The following PCDHGB1 variants were observed in gnomAD, a reference collection of about 807,000 sequenced individuals.
The protein encoded by PCDHGB1 is protocadherin gamma subfamily B, 1.
A neutral mutation model predicts 56.6 loss-of-function variants in PCDHGB1; 34 were observed. The observed-to-expected ratio is 0.60, with a 90% confidence interval of 0.46 to 0.80. PCDHGB1 has a LOEUF of 0.80. PCDHGB1 is among the 30% of genes least tolerant of loss of function. The probability of loss-of-function intolerance (pLI) is 0.00; values close to 1 mark genes in which losing one functional copy is unlikely to be tolerated. For synonymous variants in PCDHGB1, 561 were observed against 505.9 expected (o/e 1.11, Z -1.46); for missense variants, 1,278 against 1,204.6 (o/e 1.06, Z -0.90).
intron 1 of PCDHGB1, among the ~76,000 whole-genome samples, chr5:141,381,021 A>C (rs1337045827): frequency 6.6e-6 from 1 of 152,244 alleles, no homozygotes; most frequent in Non-Finnish European, 1.5e-5. Context: ...TACCTCTATT[A>C]GTTCCTTTAA....
chr5:141,429,387 TAA>T (rs11410533), intron 1 of PCDHGB1, among the ~76,000 whole-genome samples: 155 of 151,446 alleles, frequency 1.0e-3, no homozygotes, highest in African/African-American at 3.5e-3. Flanking sequence ...GTTTTTTTTT[TAA>T]AAAAAATTGA....
At chr5:141,480,956 C>G (rs2099528870) in intron 1 of PCDHGB1, among the ~76,000 whole-genome samples, 1 of 152,064 alleles carries the variant, frequency 6.6e-6, no homozygotes, top group South Asian at 2.1e-4. Flanking sequence ...GAGGCGGAAG[C>G]ATCAGTGAGG....
intron 1 of PCDHGB1, among the ~76,000 whole-genome samples, chr5:141,447,123 T>TTTTG (rs1327676720): frequency 6.6e-6 from 1 of 152,160 alleles, no homozygotes; most frequent in Admixed American, 6.6e-5. Context: ...CCATGGATTT[T>TTTTG]TTTGTTTGTT....
rs754462129 is a variant in PCDHGB1, at chr5:141,490,693, G to T, written c.2410-4114G>T. 6.2e-7 allele frequency: 1 copy of T among 1,614,170 alleles called. No homozygotes were observed. Among genetic ancestry groups the T allele is most frequent in the South Asian group, 1.1e-5 (1 of 91,072 alleles). On this transcript the variant is annotated intron_variant, in intron 1 of 3. Transcript: ENST00000523390. This position sits in a 1 kb window ranked among gnomAD's most constrained non-coding sequence, Gnocchi z 5.4. Reference sequence around the variant, plus strand: ...GGCTGCCTCAGATCCAGACACTGGGGATAATGCCCGCCTCACCTACTCCAT... The same window carrying T: ...GGCTGCCTCAGATCCAGACACTGGGTATAATGCCCGCCTCACCTACTCCAT...
intron 3 of PCDHGB1, 111 bp from the exon 4 acceptor site, chr5:141,510,836 G>C: frequency 6.3e-7 from 1 of 1,584,882 alleles, no homozygotes; most frequent in African/African-American, 1.3e-5. Flanking sequence ...TGCTCAGCGT[G>C]GTCAAGGCCC....
intron 1 of PCDHGB1, among the ~76,000 whole-genome samples, chr5:141,480,400 G>A (rs1364147575): frequency 6.8e-6 from 1 of 146,550 alleles, no homozygotes; most frequent in Non-Finnish European, 1.5e-5. Context: ...TGGCAATAGA[G>A]TGAGACCCTG....
At chr5:141,423,228 CA>C in intron 1 of PCDHGB1, 1 of 1,613,866 alleles carries the variant, frequency 6.2e-7, no homozygotes, top group Non-Finnish European at 8.5e-7. Flanking sequence ...CTGTGGCCGA[CA>C]GCATCCCCGA....
At chr5:141,430,652 A>G in intron 1 of PCDHGB1, 1 of 1,069,464 alleles carries the variant, frequency 9.4e-7, no homozygotes. Context: ...ATGTGGAAAC[A>G]ACGGAGGAGC....
At position 141,489,635 on chromosome 5, in the gene PCDHGB1, G is replaced by C. The variant is rs1380466520; in HGVS notation, c.2410-5172G>C. 2 of 1,614,142 alleles carry C rather than the reference G, an allele frequency of 1.2e-6. No homozygotes were observed. The highest frequency in any genetic ancestry group is 3.3e-5 in the Admixed American group (2 of 60,016). ...CTGGATCTCAATGACAACTCTCCTAGCTTTGCCACCCCTGAGCGAGAGATG... is the reference window on the plus strand; with the variant it reads ...CTGGATCTCAATGACAACTCTCCTACCTTTGCCACCCCTGAGCGAGAGATG... On this transcript the variant is annotated intron_variant, in intron 1 of 3. Transcript: ENST00000523390. This position sits in a 1 kb window ranked among gnomAD's most constrained non-coding sequence, Gnocchi z 4.5.
chr5:141,394,700 G>A (rs775789970), intron 1 of PCDHGB1: 1 of 1,613,138 alleles, frequency 6.2e-7, no homozygotes, highest in Non-Finnish European at 8.5e-7. Flanking sequence ...TGCGCACGGC[G>A]CGAGCCCTGC....
chr5:141,430,939 G>A, intron 1 of PCDHGB1: 1 of 1,607,854 alleles, frequency 6.2e-7, no homozygotes, highest in South Asian at 1.1e-5. Flanking sequence ...GGGAGCTCGC[G>A]GAGCGCGGAG....
chr5:141,448,421 A>G (rs1380029405), intron 1 of PCDHGB1, among the ~76,000 whole-genome samples: 1 of 152,132 alleles, frequency 6.6e-6, no homozygotes, highest in Non-Finnish European at 1.5e-5. Flanking sequence ...ACAATATACT[A>G]TGTATATATT....
intron 1 of PCDHGB1, chr5:141,422,963 C>G (rs372620011): frequency 1.1e-5 from 17 of 1,614,238 alleles, no homozygotes; most frequent in Non-Finnish European, 1.4e-5. Context: ...GTGGAGCTGG[C>G]GCCCCGCTCT....
rs776015544 is a variant in PCDHGB1, at chr5:141,485,125, G to C, written c.2410-9682G>C. The C allele has an allele frequency of 7.1e-7, 1 of 1,412,278 alleles. No homozygotes were observed. Among genetic ancestry groups the C allele is most frequent in the Admixed American group, 1.7e-5 (1 of 57,660 alleles). 87.5% of individuals were successfully genotyped at this position (1,412,278 alleles called of 1,614,324 possible). On this transcript the variant is annotated intron_variant, in intron 1 of 3. Transcript: ENST00000523390. The surrounding 1 kb of genome is among the most constrained non-coding windows in gnomAD (Gnocchi z 5.7). The stretch of plus-strand genomic sequence containing the variant: ...CTGCTGTGGCTGTTTGGGGCGGGTC[G>C]GCTTCATCCGCGTCTCAGGAGCAAG...
At chr5:141,405,352 T>C (rs747137239) in intron 1 of PCDHGB1, 12 of 1,614,170 alleles carry the variant, frequency 7.4e-6, no homozygotes, top group Middle Eastern at 1.6e-4. Flanking sequence ...CCAAGTTTCC[T>C]ATAGAAGACA....
Position 141,491,166 on chromosome 5 carries a change from G to A in PCDHGB1, c.2410-3641G>A. 1 of 1,614,150 alleles carries A rather than the reference G, an allele frequency of 6.2e-7. No individual in the cohort carries two copies. The highest frequency in any genetic ancestry group is 8.5e-7 in the Non-Finnish European group (1 of 1,179,964). ...TACTGGAGGATGACTCTGACACCCA[G>A]CAGGTGGTGGTCCTGGTGAGGGACA... On this transcript the variant is annotated intron_variant, in intron 1 of 3. Transcript: ENST00000523390. The surrounding 1 kb of genome is among the most constrained non-coding windows in gnomAD (Gnocchi z 6.9).
chr5:141,455,856 TTTTATTA>T (rs1315325745), intron 1 of PCDHGB1, among the ~76,000 whole-genome samples: 1 of 146,240 alleles, frequency 6.8e-6, no homozygotes, highest in East Asian at 2.0e-4. Flanking sequence ...AAATAATTTC[TTTTATTA>T]TTTATTTATT....
chr5:141,410,844 TTTGTC>T, intron 1 of PCDHGB1: 1 of 422,400 alleles, frequency 2.4e-6, no homozygotes, highest in Non-Finnish European at 3.9e-6. Context: ...ATATTTTGTC[TTTGTC>T]TTTTTTTTTT....
chr5:141,471,789 TCATATAAAAGA>T (rs777265354), intron 1 of PCDHGB1, among the ~76,000 whole-genome samples: 14 of 152,224 alleles, frequency 9.2e-5, no homozygotes, highest in Non-Finnish European at 1.9e-4. Flanking sequence ...TTATGCTATG[TCATATAAAAGA>T]CATATAAAAG....
Sources: gnomAD v4.1 joint callset for allele counts (sites outside exome capture counted in the v4.1 genomes callset) on GRCh38, gnomAD v4.1.1 for gene constraint, Gnocchi (gnomAD v3.1) non-coding constraint, MANE v1.5 for transcripts, NCBI Gene and HGNC (gene_info 2026-07-23, HGNC 2026-07-21) for gene names.